Variants in INPP4B observed in about 807,000 individuals in gnomAD.
INPP4B encodes inositol polyphosphate 4-phosphatase type II.
A neutral mutation model predicts 122.5 loss-of-function variants in INPP4B; 55 were observed. The ratio of observed to expected loss-of-function variants is 0.45; its 90% confidence interval spans 0.36 to 0.56. INPP4B has a LOEUF of 0.56. INPP4B is among the 20% of genes least tolerant of loss of function. INPP4B has a pLI of 0.00. For synonymous variants in INPP4B, 403 were observed against 388.7 expected (o/e 1.04, Z -0.43); for missense variants, 1,000 against 1,097.7 (o/e 0.91, Z 1.26).
intron 25 of INPP4B, among the ~76,000 whole-genome samples, chr4:142,077,808 T>TA (rs1439417860): frequency 2.0e-5 from 3 of 151,926 alleles, no homozygotes; most frequent in Non-Finnish European, 4.4e-5. Flanking sequence ...AGGATAGACA[T>TA]ACCAGGTTTA....
In INPP4B at chr4:142,281,505, G is replaced by T. The variant is rs539560469; in HGVS notation, c.504-10731C>A. Among the ~76,000 whole-genome samples the T allele has an allele frequency of 7.2e-5, 11 of 152,038 alleles. No individual in the cohort carries two copies. The South Asian group carries it at 2.3e-3, about 32-fold the overall frequency. On this transcript the variant is annotated intron_variant, in intron 9 of 25. Coordinates refer to ENST00000262992, the MANE Select transcript of INPP4B (RefSeq NM_001101669.3). The stretch of plus-strand genomic sequence containing the variant: ...ACAATCAGTATTAAATGCTAGTGAT[G>T]TGACAATATTTAATATTCAAATTTG...
chr4:142,211,769 G>T (rs1455339080), intron 12 of INPP4B, among the ~76,000 whole-genome samples: 2 of 152,106 alleles, frequency 1.3e-5, no homozygotes, highest in Non-Finnish European at 2.9e-5. Flanking sequence ...CTGCCTTTAT[G>T]ATTTTATAAT....
At chr4:142,292,769 T>A (rs533492730) in intron 9 of INPP4B, among the ~76,000 whole-genome samples, 2 of 152,158 alleles carry the variant, frequency 1.3e-5, no homozygotes, top group Non-Finnish European at 2.9e-5. Context: ...TACTTCCCAA[T>A]TTACGTGTGT....
intron 7 of INPP4B, among the ~76,000 whole-genome samples, chr4:142,392,581 G>A (rs1479844118): frequency 1.3e-5 from 2 of 152,176 alleles, no homozygotes; most frequent in Non-Finnish European, 2.9e-5. Context: ...TTGCCAGGAG[G>A]CTTTCACTCT....
At chr4:142,629,312 G>A (rs1054608613) in intron 2 of INPP4B, among the ~76,000 whole-genome samples, 1 of 152,092 alleles carries the variant, frequency 6.6e-6, no homozygotes, top group Non-Finnish European at 1.5e-5. Context: ...TGTTTTAGGT[G>A]TGGCAAACTG....
intron 13 of INPP4B, 143 bp downstream of exon 13, chr4:142,208,753 T>C (rs1177827350): frequency 1.3e-5 from 8 of 623,502 alleles, no homozygotes; most frequent in Non-Finnish European, 1.7e-5. Flanking sequence ...TTCTTTGTTT[T>C]AAGATGTTAA....
At chr4:142,333,177 T>C (rs1430456159) in intron 7 of INPP4B, among the ~76,000 whole-genome samples, 7 of 152,164 alleles carry the variant, frequency 4.6e-5, no homozygotes, top group Non-Finnish European at 8.8e-5. Flanking sequence ...TTTAATTAGT[T>C]GGGGTCATAT....
At chr4:142,158,562 T>C (rs1818429682) in intron 17 of INPP4B, among the ~76,000 whole-genome samples, 1 of 152,128 alleles carries the variant, frequency 6.6e-6, no homozygotes, top group South Asian at 2.1e-4. Context: ...AAATTTTGAG[T>C]TGAAGTCATA....
chr4:142,331,729 G>A, intron 7 of INPP4B, among the ~76,000 whole-genome samples: 1 of 152,188 alleles, frequency 6.6e-6, no homozygotes, highest in Non-Finnish European at 1.5e-5. Context: ...TGGTTTACCA[G>A]AATCAGTCTC....
intron 23 of INPP4B, among the ~76,000 whole-genome samples, chr4:142,090,175 C>T (rs538385999): frequency 6.6e-6 from 1 of 152,298 alleles, no homozygotes; most frequent in Non-Finnish European, 1.5e-5. Context: ...AAGCACCTGG[C>T]CATCCTTTCC....
chr4:142,569,873 A>G (rs901644892), intron 2 of INPP4B, among the ~76,000 whole-genome samples: 1 of 151,928 alleles, frequency 6.6e-6, no homozygotes, highest in African/African-American at 2.4e-5. Flanking sequence ...TATTTAACAA[A>G]TGCCACCTCT....
At chr4:142,124,834 A>G in intron 18 of INPP4B, 74 bp from the exon 19 acceptor site, 1 of 1,127,378 alleles carries the variant, frequency 8.9e-7, no homozygotes, top group Non-Finnish European at 1.2e-6. Context: ...ACCAACTTCC[A>G]ACTTATTTTT....
At chr4:142,716,482 C>T (rs1224873633) in intron 2 of INPP4B, among the ~76,000 whole-genome samples, 1 of 152,000 alleles carries the variant, frequency 6.6e-6, no homozygotes, top group African/African-American at 2.4e-5. Context: ...CATTATCTTC[C>T]CCAAACGGCA....
chr4:142,383,915 C>G, intron 7 of INPP4B: 1 of 576,762 alleles, frequency 1.7e-6, no homozygotes, highest in East Asian at 2.8e-5. Flanking sequence ...GACCTCTCTG[C>G]ATGTCCAGCT....
At chr4:142,348,377 G>GT (rs1381054278) in intron 7 of INPP4B, among the ~76,000 whole-genome samples, 1 of 151,944 alleles carries the variant, frequency 6.6e-6, no homozygotes, top group Non-Finnish European at 1.5e-5. Context: ...CTTGTTTAAG[G>GT]AAAATATTTT....
At chr4:142,569,587 G>A (rs570889690) in intron 2 of INPP4B, among the ~76,000 whole-genome samples, 6 of 152,218 alleles carry the variant, frequency 3.9e-5, no homozygotes, top group South Asian at 2.1e-4. Context: ...CCTTGACACC[G>A]TGTATGCTGG....
At chr4:142,293,286 C>A (rs1757221637) in intron 9 of INPP4B, among the ~76,000 whole-genome samples, 1 of 152,026 alleles carries the variant, frequency 6.6e-6, no homozygotes, top group Admixed American at 6.6e-5. Flanking sequence ...GTGATCCACC[C>A]ACCTCAGCTT....
intron 2 of INPP4B, among the ~76,000 whole-genome samples, chr4:142,517,790 C>G (rs78118827): frequency 0.019 from 2,933 of 152,268 alleles, 105 homozygotes; most frequent in African/African-American, 0.067. Flanking sequence ...TCCCTCTCCC[C>G]TAATATACCT....
chr4:142,807,564 G>T (rs190914263), intron 1 of INPP4B, among the ~76,000 whole-genome samples: 2 of 152,228 alleles, frequency 1.3e-5, no homozygotes, highest in Non-Finnish European at 2.9e-5. Context: ...AGAACATATG[G>T]CCAGATGCAT....
Sources: allele counts gnomAD v4.1 joint callset (sites outside exome capture counted in the v4.1 genomes callset), GRCh38; gene constraint gnomAD v4.1.1; transcripts MANE v1.5; gene names NCBI Gene and HGNC (gene_info 2026-07-23, HGNC 2026-07-21).